The following DCC variants were observed in gnomAD, a reference collection of about 807,000 sequenced individuals.
The protein encoded by DCC is DCC netrin 1 receptor.
DCC carries 58 observed loss-of-function variants against 172.5 expected under a neutral mutation model. The ratio of observed to expected loss-of-function variants is 0.34; its 90% CI spans 0.27 to 0.42. The LOEUF is 0.42. DCC is among the 10% of genes least tolerant of loss of function. The pLI, the probability that DCC is intolerant of heterozygous loss-of-function variation, is 1.00. For missense variants in DCC, 1,740 were observed against 1,791.0 expected (o/e 0.97, Z 0.51); for synonymous variants, 709 against 644.5 (o/e 1.10, Z -1.52).
chr18:52,678,733 G>A (rs1483909555), intron 1 of DCC, among the ~76,000 whole-genome samples: 1 of 152,098 alleles, frequency 6.6e-6, no homozygotes, highest in South Asian at 2.1e-4. Context: ...TCCATGCCAC[G>A]AAAGATTTAA....
intron 2 of DCC, among the ~76,000 whole-genome samples, chr18:52,856,640 A>AAAAAAAG (rs1555673747): frequency 1.3e-5 from 2 of 149,622 alleles, no homozygotes; most frequent in African/African-American, 5.0e-5. Context: ...AAAAAAAAAA[A>AAAAAAAG]AAAGAAAACA....
At chr18:53,181,936 C>G (rs1428012460) in intron 9 of DCC, among the ~76,000 whole-genome samples, 1 of 152,206 alleles carries the variant, frequency 6.6e-6, no homozygotes, top group East Asian at 1.9e-4. Context: ...CCAGATCATA[C>G]TGCATCCACC....
chr18:52,967,763 T>G (rs2040959430), intron 5 of DCC, among the ~76,000 whole-genome samples: 1 of 152,184 alleles, frequency 6.6e-6, no homozygotes, highest in South Asian at 2.1e-4. Context: ...TTCGGTATAT[T>G]TATTTAGGGA....
chr18:52,541,760 G>A (rs1331225223), intron 1 of DCC, among the ~76,000 whole-genome samples: 1 of 151,282 alleles, frequency 6.6e-6, no homozygotes, highest in East Asian at 1.9e-4. Context: ...ATATGACCTG[G>A]TCCCTCTCCA....
chr18:53,274,123 C>T (rs1343576127), intron 12 of DCC, among the ~76,000 whole-genome samples: 3 of 152,146 alleles, frequency 2.0e-5, no homozygotes, highest in African/African-American at 7.2e-5. Context: ...CTCAGTGACA[C>T]TATCACAAAT....
chr18:52,876,669 C>A (rs912968561), intron 2 of DCC, among the ~76,000 whole-genome samples: 2 of 152,160 alleles, frequency 1.3e-5, no homozygotes, highest in African/African-American at 4.8e-5. Context: ...TTGAAATGTA[C>A]TTATGAAGCC....
intron 1 of DCC, among the ~76,000 whole-genome samples, chr18:52,413,962 A>G (rs1391187159): frequency 6.6e-6 from 1 of 152,136 alleles, no homozygotes; most frequent in Non-Finnish European, 1.5e-5. Flanking sequence ...GTGTGTATCT[A>G]TGCTTAAAAA....
At chr18:53,482,082 G>A (rs1483452389) in intron 25 of DCC, among the ~76,000 whole-genome samples, 6 of 152,116 alleles carry the variant, frequency 3.9e-5, no homozygotes, top group African/African-American at 1.2e-4. Flanking sequence ...GTTTGTGTGT[G>A]TGTGTATTTC....
rs1057369893 is a variant in DCC at position 53,214,250 on chromosome 18, A to G, written c.1862-1298A>G. Among the ~76,000 whole-genome samples the G allele has an allele frequency of 4.6e-5, 7 of 152,266 alleles. 1 individual carries two copies. Among genetic ancestry groups the G allele is most frequent in the Admixed American group, 4.6e-4 (7 of 15,302 alleles). Reference sequence around the variant, plus strand: ...ACACTGGCTGCAACCTTCATCAGGCACTAAGATCAGAAGTTCAAAATCAAA... The same window carrying G: ...ACACTGGCTGCAACCTTCATCAGGCGCTAAGATCAGAAGTTCAAAATCAAA... On this transcript the variant is annotated intron_variant, in intron 11 of 28. Coordinates refer to ENST00000442544, the MANE Select transcript of DCC (RefSeq NM_005215.4).
In DCC at chr18:53,535,142, C is replaced by G. The variant is rs1598860987; in HGVS notation, c.*4489C>G. 1 of 69,634 alleles carries G rather than the reference C, an allele frequency of 1.4e-5. No individual in the cohort carries two copies. Among genetic ancestry groups the G allele is most frequent in the Admixed American group, 2.6e-4 (1 of 3,856 alleles). The allele number at this position is 69,634 out of a possible 1,614,324, so 4.3% of individuals were successfully genotyped here. ...AATTCTGAACTTTGTGAATTGTCAG[C>G]TTGTTTGGGGGAAGGGTGGGCGGGT... is the stretch of plus-strand genomic sequence containing the variant. On this transcript the variant is annotated 3_prime_UTR_variant, in exon 29 of 29. Coordinates refer to ENST00000442544, the MANE Select transcript of DCC (RefSeq NM_005215.4).
intron 1 of DCC, among the ~76,000 whole-genome samples, chr18:52,517,307 T>C (rs2031674627): frequency 6.6e-6 from 1 of 152,246 alleles, no homozygotes; most frequent in African/African-American, 2.4e-5. Flanking sequence ...ATTTGCCAGT[T>C]CAGAGACCAC....
intron 12 of DCC, among the ~76,000 whole-genome samples, chr18:53,232,814 C>T (rs2056143170): frequency 6.6e-6 from 1 of 152,110 alleles, no homozygotes; most frequent in African/African-American, 2.4e-5. Context: ...TCACTAAAAA[C>T]CTTAAACTTC....
chr18:52,537,045 G>A (rs1445576665), intron 1 of DCC, among the ~76,000 whole-genome samples: 1 of 152,150 alleles, frequency 6.6e-6, no homozygotes. Context: ...TGTTAAAGTG[G>A]CAGGCTATTG....
At chr18:52,694,400 C>A (rs569181378) in intron 1 of DCC, among the ~76,000 whole-genome samples, 1 of 152,034 alleles carries the variant, frequency 6.6e-6, no homozygotes, top group East Asian at 1.9e-4. Flanking sequence ...CAATAAAAAT[C>A]TGAATTTCAG....
intron 2 of DCC, among the ~76,000 whole-genome samples, chr18:52,801,900 C>CA (rs372034365): frequency 1.4e-4 from 21 of 152,088 alleles, no homozygotes; most frequent in African/African-American, 3.4e-4. Context: ...CTTGTCTGTT[C>CA]AAAAAATCAG....
chr18:52,875,864 G>A (rs1403287143), intron 2 of DCC, among the ~76,000 whole-genome samples: 1 of 152,174 alleles, frequency 6.6e-6, no homozygotes, highest in East Asian at 1.9e-4. Flanking sequence ...CTGGTTCCTG[G>A]ACCTTCTGGG....
chr18:52,636,168 G>C (rs1161973880), intron 1 of DCC, among the ~76,000 whole-genome samples: 2 of 152,228 alleles, frequency 1.3e-5, no homozygotes, highest in Non-Finnish European at 2.9e-5. Flanking sequence ...TACAGAGGTA[G>C]AGGAAGCAGC....
At chr18:52,742,839 C>T (rs1430602534) in intron 1 of DCC, among the ~76,000 whole-genome samples, 1 of 152,032 alleles carries the variant, frequency 6.6e-6, no homozygotes, top group Non-Finnish European at 1.5e-5. Flanking sequence ...TAGAAGGATC[C>T]TGAAAATAAC....
intron 5 of DCC, among the ~76,000 whole-genome samples, chr18:52,945,539 T>C (rs1177615476): frequency 6.6e-6 from 1 of 152,252 alleles, no homozygotes; most frequent in African/African-American, 2.4e-5. Context: ...TGCTTTATTA[T>C]TGTTGCTCTT....
Sources: allele counts gnomAD v4.1 joint callset (sites outside exome capture counted in the v4.1 genomes callset), GRCh38; gene constraint gnomAD v4.1.1; transcripts MANE v1.5; gene names NCBI Gene and HGNC (gene_info 2026-07-23, HGNC 2026-07-21).